Variants in GCNT1 observed in about 807,000 individuals in gnomAD.
The protein encoded by GCNT1 is beta-1,3-galactosyl-O-glycosyl-glycoprotein beta-1,6-N-acetylglucosaminyltransferase.
GCNT1 carries 16 observed loss-of-function variants against 26.2 expected under a neutral mutation model. The ratio of observed to expected loss-of-function variants is 0.61; its 90% CI spans 0.41 to 0.93. The LOEUF is 0.93. Among genes scored for constraint, GCNT1 ranks in the 40% least tolerant of loss-of-function variants. The pLI is 0.00. For synonymous variants in GCNT1, 183 were observed against 190.8 expected, an observed-to-expected ratio of 0.96 and a Z score of 0.34; for missense variants, 477 against 526.7, an observed-to-expected ratio of 0.91 and a Z score of 0.92.
chr9:76,502,798 G>A lies in GCNT1; in HGVS notation c.417G>A (p.Leu139=), dbSNP rs750290107. 6.2e-6 allele frequency: 10 copies of A among 1,614,150 alleles called. No homozygotes were observed. In the South Asian group the frequency reaches 1.1e-4, roughly 18 times the overall value. ...VHHKIEMLDR[L]LRAIYMPQNF... Reference sequence around the variant, plus strand: ...ACAAGATTGAAATGCTTGACAGGCTGCTGAGGGCCATCTATATGCCTCAGA... The same window carrying A: ...ACAAGATTGAAATGCTTGACAGGCTACTGAGGGCCATCTATATGCCTCAGA... The change falls in exon 4 of 4, where the codon CTG becomes CTA. Residue 139 remains leucine, a synonymous_variant. Transcript: ENST00000376730.
At chr9:76,476,775 C>G (rs1431185708) in intron 2 of GCNT1, among the ~76,000 whole-genome samples, 1 of 152,138 alleles carries the variant, frequency 6.6e-6, no homozygotes, top group Non-Finnish European at 1.5e-5. Flanking sequence ...ACTTGGACAA[C>G]CTTTGTTCTT....
In GCNT1 at chr9:76,496,612, A is replaced by G. The variant is rs577160692; in HGVS notation, c.-289-4304A>G. Among the ~76,000 whole-genome samples the G allele has an allele frequency of 4.6e-5, 7 of 152,318 alleles. No individual in the cohort carries two copies. In the East Asian group the frequency reaches 1.2e-3, roughly 25 times the overall value. ...TTATGTTGGAACACTTTTAGTGACC[A>G]TATCGTCACCTTAGGGGCACCTGAT... On this transcript the variant is annotated intron_variant, in intron 2 of 3. Coordinates refer to ENST00000376730, the MANE Select transcript of GCNT1 (RefSeq NM_001490.5).
At chr9:76,461,813 C>T (rs1049720170) in intron 2 of GCNT1, among the ~76,000 whole-genome samples, 2 of 152,222 alleles carry the variant, frequency 1.3e-5, no homozygotes, top group South Asian at 2.1e-4. Flanking sequence ...TGCTTGAACC[C>T]GGGAGGCGGA....
chr9:76,502,574 G>A lies in GCNT1; in HGVS notation c.193G>A (p.Gly65Ser), dbSNP rs1825108131. The change falls in exon 4 of 4, where the codon GGT becomes AGT. Residue 65 changes from glycine (G) to serine (S), a missense_variant. Gly to Ser is a moderately conservative substitution (Grantham distance 56, BLOSUM62 0). Transcript: ENST00000376730. ...TATTAATTGCACCAAAGTTTTACAG[G>A]GTGATGTAAATGAAATCCAAAAGGT... ...SDINCTKVLQ[G>S]DVNEIQKVKL... 1.9e-6 allele frequency: 3 copies of A among 1,613,618 alleles called. No homozygotes were observed. The highest frequency in any genetic ancestry group is 2.5e-6 in the Non-Finnish European group (3 of 1,179,790).
intron 2 of GCNT1, among the ~76,000 whole-genome samples, chr9:76,497,304 T>C (rs968304391): frequency 1.3e-5 from 2 of 152,216 alleles, no homozygotes; most frequent in African/African-American, 4.8e-5. Context: ...CTTTTCTTCT[T>C]GGAAATCTCT....
intron 1 of GCNT1, among the ~76,000 whole-genome samples, chr9:76,449,400 A>G (rs778216957): frequency 7.9e-5 from 12 of 152,358 alleles, no homozygotes; most frequent in Non-Finnish European, 1.6e-4. Flanking sequence ...CATAAGGATT[A>G]TTTTGAGCTA....
the GCNT1 span, chr9:76,394,485 G>A: frequency 7.1e-5 from 19 of 266,190 alleles, 1 homozygote; most frequent in Non-Finnish European, 8.6e-5. Flanking sequence ...CGGCCTCCGC[G>A]CCGCCGGCGT....
the GCNT1 span, among the ~76,000 whole-genome samples, chr9:76,406,756 T>C: frequency 2.6e-5 from 4 of 151,942 alleles, no homozygotes; most frequent in African/African-American, 9.7e-5. Context: ...TTTTAAGAGT[T>C]CTGGCCAGGC....
intron 1 of GCNT1, among the ~76,000 whole-genome samples, chr9:76,422,121 C>T (rs1309742232): frequency 6.6e-6 from 1 of 152,092 alleles, no homozygotes; most frequent in Non-Finnish European, 1.5e-5. Flanking sequence ...AGAACTCACT[C>T]ACTGTCATGA....
At chr9:76,482,830 T>TG (rs1554736726) in intron 2 of GCNT1, among the ~76,000 whole-genome samples, 43 of 148,808 alleles carry the variant, frequency 2.9e-4, no homozygotes, top group African/African-American at 1.1e-3. Flanking sequence ...TTTTTTTTTT[T>TG]GGTAGAGATG....
At chr9:76,450,416 T>C (rs890518418) in intron 1 of GCNT1, among the ~76,000 whole-genome samples, 2 of 152,262 alleles carry the variant, frequency 1.3e-5, no homozygotes, top group African/African-American at 2.4e-5. Flanking sequence ...GAAATCTTTG[T>C]GTATTTGTAA....
At chr9:76,449,370 C>T (rs1050162864) in intron 1 of GCNT1, among the ~76,000 whole-genome samples, 7 of 152,070 alleles carry the variant, frequency 4.6e-5, no homozygotes, top group Non-Finnish European at 8.8e-5. Context: ...AATGTGCCAC[C>T]TCAAAACATG....
At chr9:76,418,291 A>C (rs954724819), upstream of GCNT1, among the ~76,000 whole-genome samples, 2 of 152,240 alleles carry the variant, frequency 1.3e-5, no homozygotes, top group Admixed American at 1.3e-4. Context: ...GAAAGCCTCC[A>C]GGTAACAGAC....
chr9:76,394,256 C>G, the GCNT1 span: 1 of 1,384,380 alleles, frequency 7.2e-7, no homozygotes, highest in Admixed American at 2.1e-5. Flanking sequence ...GACCCCGGAC[C>G]AGCCGGGGGA....
intron 1 of GCNT1, among the ~76,000 whole-genome samples, chr9:76,425,709 C>T (rs1284394568): frequency 1.3e-5 from 2 of 152,118 alleles, no homozygotes; most frequent in East Asian, 1.9e-4. Flanking sequence ...GTTTTATTAT[C>T]ACTGAAATCG....
rs1424360003 is a variant in GCNT1, at chr9:76,504,573, G to A, written c.*905G>A. ...AGAAAACTAAGACAGGATGATACAG[G>A]TTTGAGGGGCTGGGGAGTGGGAGGG... On this transcript the variant is annotated 3_prime_UTR_variant, in exon 4 of 4. Coordinates refer to ENST00000376730, the MANE Select transcript of GCNT1 (RefSeq NM_001490.5). 2 of 406,100 alleles carry A rather than the reference G, an allele frequency of 4.9e-6. No homozygotes were observed. The highest frequency in any genetic ancestry group is 3.6e-5 in the East Asian group (1 of 27,698). 25.2% of individuals were successfully genotyped at this position (406,100 alleles called of 1,614,324 possible).
At chr9:76,451,630 A>G (rs1007745247) in intron 1 of GCNT1, among the ~76,000 whole-genome samples, 3 of 152,234 alleles carry the variant, frequency 2.0e-5, no homozygotes, top group African/African-American at 4.8e-5. Flanking sequence ...CCAAAGAAAT[A>G]TTAATCTTGG....
At chr9:76,401,770 C>G in the GCNT1 span, among the ~76,000 whole-genome samples, 1 of 152,146 alleles carries the variant, frequency 6.6e-6, no homozygotes, top group Non-Finnish European at 1.5e-5. Context: ...TGACTCACTG[C>G]TATAATCCCA....
chr9:76,400,113 T>A, the GCNT1 span, among the ~76,000 whole-genome samples: 1 of 152,158 alleles, frequency 6.6e-6, no homozygotes. Context: ...CACAGGGGAT[T>A]TTTAGGGCAG....
Sources: allele counts gnomAD v4.1 joint callset (sites outside exome capture counted in the v4.1 genomes callset), GRCh38; gene constraint gnomAD v4.1.1; transcripts MANE v1.5; gene names NCBI Gene and HGNC (gene_info 2026-07-23, HGNC 2026-07-21).